The following BUB1 variants were observed in gnomAD, a reference collection of about 807,000 sequenced individuals.
BUB1 encodes BUB1 mitotic checkpoint serine/threonine kinase.
In BUB1, 84 loss-of-function variants were observed where a neutral mutation model predicts 135.2. That is an observed-to-expected ratio of 0.62 (90% CI 0.52 to 0.74). The LOEUF is 0.74. Among genes scored for constraint, BUB1 ranks in the 30% least tolerant of loss-of-function variants. BUB1 has a pLI of 0.00. For synonymous variants in BUB1, 403 were observed against 434.4 expected (o/e 0.93, Z 0.90); for missense variants, 1,162 against 1,288.3 (o/e 0.90, Z 1.50).
Position 110,678,059 on chromosome 2 carries a change from C to T in BUB1, c.-64G>A. On this transcript the variant is annotated 5_prime_UTR_variant, in exon 1 of 25. Transcript: ENST00000302759. ...CGCAAACTAGAAGCCGCCGCCGATTCGAATACCCCGCGCAGCCGCAGTCGG... is the reference window on the plus strand; with the variant it reads ...CGCAAACTAGAAGCCGCCGCCGATTTGAATACCCCGCGCAGCCGCAGTCGG... 6.5e-7 allele frequency: 1 copy of T among 1,546,928 alleles called. No individual in the cohort carries two copies. The highest frequency in any genetic ancestry group is 2.1e-5 in the Admixed American group (1 of 48,296).
intron 24 of BUB1, 68 bp downstream of exon 24, chr2:110,639,674 G>A (rs1478735771): frequency 9.4e-7 from 1 of 1,063,544 alleles, no homozygotes; most frequent in Non-Finnish European, 1.4e-6. Flanking sequence ...TTTTTTTTTT[G>A]CCAGATGGAA....
intron 21 of BUB1, 49 bp from the exon 22 acceptor site, chr2:110,641,513 A>T: frequency 6.4e-7 from 1 of 1,568,878 alleles, no homozygotes; most frequent in Non-Finnish European, 8.6e-7. Flanking sequence ...CAAGATTAAT[A>T]AAATTTCAAA....
Position 110,672,773 on chromosome 2 carries a change from C to T in BUB1, c.310G>A (p.Ala104Thr). ...TGGGCTTCCAGATGCCCCGCCCAGG[C>T]AATGTACAGAGGGGATGACAGGGTT... ...IGTLSSPLYI[A>T]WAGHLEAQGE... is the part of the protein sequence containing the mutation. Residue 104 changes from alanine (A) to threonine (T), a missense_variant, in exon 4 of 25, where the codon GCC becomes ACC. Ala to Thr is a moderately conservative substitution (Grantham distance 58). Coordinates refer to ENST00000302759, the MANE Select transcript of BUB1 (RefSeq NM_004336.5). The T allele has an allele frequency of 1.2e-6, 2 of 1,614,060 alleles. No individual in the cohort carries two copies. The highest frequency in any genetic ancestry group is 1.7e-6 in the Non-Finnish European group (2 of 1,180,008).
chr2:110,646,063 GGCTCACACCT>G, intron 19 of BUB1, among the ~76,000 whole-genome samples: 1 of 151,726 alleles, frequency 6.6e-6, no homozygotes, highest in Non-Finnish European at 1.5e-5. Flanking sequence ...TGGGTGTGGT[GGCTCACACCT>G]GTAATCCCAG....
In BUB1 at chr2:110,655,881, G is replaced by A. The variant is rs1689919999; in HGVS notation, c.1734C>T (p.Asp578=). ...TGCAGCGAATACCCCATACAGTTGA[G>A]TCATCCAAAAACTCTTCAGCATGAG... The part of the protein sequence containing the change: ...EVPHAEEFLD[D]STVWGIRCNK... The change falls in exon 16 of 25, where the codon GAC becomes GAT. Residue 578 remains aspartate, a synonymous_variant. Coordinates refer to ENST00000302759, the MANE Select transcript of BUB1 (RefSeq NM_004336.5). 1 of 1,613,512 alleles carries A rather than the reference G, an allele frequency of 6.2e-7. No individual in the cohort carries two copies. Among genetic ancestry groups the A allele is most frequent in the South Asian group, 1.1e-5 (1 of 91,048 alleles).
At chr2:110,664,400 T>C (rs375595687) in intron 9 of BUB1, among the ~76,000 whole-genome samples, 2 of 152,194 alleles carry the variant, frequency 1.3e-5, no homozygotes, top group Admixed American at 6.5e-5. Flanking sequence ...TCCACACCAA[T>C]AGCGCAAGCC....
At chr2:110,664,575 C>T (rs1420620039) in intron 9 of BUB1, among the ~76,000 whole-genome samples, 9 of 135,828 alleles carry the variant, frequency 6.6e-5, no homozygotes, top group Non-Finnish European at 1.4e-4. Context: ...CTGCTGTTGC[C>T]TTTTTTTTTT....
Position 110,661,703 on chromosome 2 carries a change from C to T in BUB1, c.1096G>A (p.Ala366Thr), listed in dbSNP as rs1690103024. ...ACCAAAGCTGCAGAAATAGCATTTG[C>T]CAAAGGAGGAACAACAGGAGGTGCC... ...REAPPVVPPL[A>T]NAISAALVSP... is the part of the protein sequence containing the mutation. Residue 366 changes from alanine (A) to threonine (T), a missense_variant, in exon 10 of 25, where the codon GCA (alanine) becomes ACA (threonine). By Grantham distance (58) the Ala-to-Thr change is moderately conservative. Transcript: ENST00000302759. 6.2e-7 allele frequency: 1 copy of T among 1,614,180 alleles called. No individual in the cohort carries two copies. The highest frequency in any genetic ancestry group is 8.5e-7 in the Non-Finnish European group (1 of 1,180,034).
chr2:110,663,552 T>A (rs1039360741), intron 9 of BUB1, among the ~76,000 whole-genome samples: 1 of 152,200 alleles, frequency 6.6e-6, no homozygotes, highest in East Asian at 1.9e-4. Context: ...TGGCTTGATA[T>A]ACTCCAAAAA....
At chr2:110,641,904 G>T in intron 20 of BUB1, 101 bp from the exon 21 acceptor site, 1 of 1,317,458 alleles carries the variant, frequency 7.6e-7, no homozygotes, top group Non-Finnish European at 1.0e-6. Flanking sequence ...TGTTGATAGT[G>T]ATGACAAGCT....
chr2:110,660,085 T>C, intron 10 of BUB1, 49 bp from the exon 11 acceptor site: 1 of 1,523,294 alleles, frequency 6.6e-7, no homozygotes, highest in Non-Finnish European at 9.1e-7. Context: ...ATGCTTGATC[T>C]AGGCTGGGTG....
In BUB1 at chr2:110,658,422, C is replaced by T; in HGVS notation, c.1504G>A (p.Ala502Thr). 1 of 1,611,938 alleles carries T rather than the reference C, an allele frequency of 6.2e-7. No homozygotes were observed. The highest frequency in any genetic ancestry group is 8.5e-7 in the Non-Finnish European group (1 of 1,178,462). The change falls in exon 13 of 25, where the codon GCC becomes ACC. Residue 502 changes from alanine to threonine, a missense_variant. Ala to Thr is a moderately conservative substitution (Grantham distance 58, BLOSUM62 0). Coordinates refer to ENST00000302759, the MANE Select transcript of BUB1 (RefSeq NM_004336.5). ...AAATAGTTATTACTTTGAAACTGGG[C>T]TTCAAATGCATCTTCATTTTGATCT... is the stretch of plus-strand genomic sequence containing the variant. ...SLDQNEDAFEAQFQKNVRSSG... is the reference protein window; with the variant it reads ...SLDQNEDAFETQFQKNVRSSG...
chr2:110,669,247 T>TA (rs146930111), intron 6 of BUB1, among the ~76,000 whole-genome samples: 1 of 152,292 alleles, frequency 6.6e-6, no homozygotes, highest in East Asian at 1.9e-4. Context: ...GCCTCTGGGT[T>TA]AGACAACAAA....
intron 8 of BUB1, among the ~76,000 whole-genome samples, chr2:110,666,624 T>TA (rs398060452): frequency 0.044 from 5,351 of 120,598 alleles, 129 homozygotes; most frequent in African/African-American, 0.092. Flanking sequence ...TGTAAATTAC[T>TA]AAAAAAAAAA....
intron 17 of BUB1, among the ~76,000 whole-genome samples, chr2:110,652,085 C>T (rs193142845): frequency 1.3e-5 from 2 of 152,164 alleles, no homozygotes; most frequent in East Asian, 3.9e-4. Context: ...CACACACACA[C>T]ACAGTATACA....
chr2:110,669,578 A>T (rs1295017525), intron 5 of BUB1, 25 bp from the exon 6 acceptor site: 1 of 1,461,386 alleles, frequency 6.8e-7, no homozygotes, highest in Non-Finnish European at 9.6e-7. Context: ...AGGATAAAAT[A>T]CGGAGAAATT....
intron 23 of BUB1, 69 bp from the exon 24 acceptor site, chr2:110,639,917 C>G (rs1413954438): frequency 7.9e-7 from 1 of 1,261,416 alleles, no homozygotes; most frequent in African/African-American, 1.5e-5. Context: ...AGATGCCTGT[C>G]TAACTTAGGC....
Position 110,672,785 on chromosome 2 carries a change from G to A in BUB1, c.298C>T (p.Pro100Ser). 1.2e-6 allele frequency: 2 copies of A among 1,613,978 alleles called. No homozygotes were observed. Among genetic ancestry groups the A allele is most frequent in the East Asian group, 2.2e-5 (1 of 44,868 alleles). The change falls in exon 4 of 25, where the codon CCT becomes TCT. Residue 100 changes from proline (P) to serine (S), a missense_variant. By Grantham distance (74) the Pro-to-Ser change is moderately conservative. Transcript: ENST00000302759. Reference sequence around the variant, plus strand: ...TGCCCCGCCCAGGCAATGTACAGAGGGGATGACAGGGTTCCAATCCCATGG... The same window carrying A: ...TGCCCCGCCCAGGCAATGTACAGAGAGGATGACAGGGTTCCAATCCCATGG... ...YNHGIGTLSS[P>S]LYIAWAGHLE...
intron 1 of BUB1, among the ~76,000 whole-genome samples, chr2:110,677,299 C>G (rs943662233): frequency 2.6e-5 from 4 of 152,264 alleles, no homozygotes; most frequent in African/African-American, 7.2e-5. Context: ...GTCTTCTGAT[C>G]GCAAAGAACT....
Sources: gnomAD v4.1 joint callset for allele counts (sites outside exome capture counted in the v4.1 genomes callset) on GRCh38, gnomAD v4.1.1 for gene constraint, MANE v1.5 for transcripts, NCBI Gene and HGNC (gene_info 2026-07-23, HGNC 2026-07-21) for gene names.